The following RPTOR variants were observed in gnomAD, a reference collection of about 807,000 sequenced individuals.
RPTOR encodes the protein regulatory-associated protein of mTOR.
RPTOR carries 21 observed loss-of-function variants against 169.9 expected under a neutral mutation model. That is an observed-to-expected ratio of 0.12 (90% CI 0.09 to 0.18). The LOEUF is 0.18. RPTOR is among the 10% of genes least tolerant of loss of function. The probability of loss-of-function intolerance (pLI) is 1.00; values close to 1 mark genes in which losing one functional copy is unlikely to be tolerated. For missense variants in RPTOR, 1,133 were observed against 1,855.9 expected (o/e 0.61, Z 7.16); for synonymous variants, 732 against 753.2 (o/e 0.97, Z 0.46).
rs2144037511 is a variant in RPTOR, at chr17:80,940,629, G to A, written c.3025+28G>A. ...AAGGGCACCCGCACAGCCAGCCAGG[G>A]GCTCATTCCGGGGGTGGGGCCTGGG... On this transcript the variant is annotated intron_variant, in intron 25 of 33. Transcript: ENST00000306801. 5 of 1,566,594 alleles carry A rather than the reference G, an allele frequency of 3.2e-6. No homozygotes were observed. In the South Asian group the frequency reaches 5.8e-5, roughly 18 times the overall value.
intron 6 of RPTOR, among the ~76,000 whole-genome samples, chr17:80,758,283 C>T (rs973380680): frequency 2.6e-5 from 4 of 152,182 alleles, no homozygotes; most frequent in African/African-American, 4.8e-5. Flanking sequence ...CTAAGGGCCA[C>T]AGGGTTTGAG....
chr17:80,907,395 TC>T (rs1356771984), intron 20 of RPTOR, among the ~76,000 whole-genome samples: 7 of 152,242 alleles, frequency 4.6e-5, no homozygotes, highest in Admixed American at 4.6e-4. Context: ...AAACTGGCAC[TC>T]CTGGTGCCCG....
chr17:80,715,864 A>G (rs886939619), intron 4 of RPTOR, among the ~76,000 whole-genome samples: 3 of 152,192 alleles, frequency 2.0e-5, no homozygotes, highest in African/African-American at 7.2e-5. Flanking sequence ...AATAGTCTCC[A>G]GTCTCATCCA....
chr17:80,592,119 C>G (rs1249207088), intron 1 of RPTOR, among the ~76,000 whole-genome samples: 1 of 152,180 alleles, frequency 6.6e-6, no homozygotes, highest in East Asian at 1.9e-4. Flanking sequence ...TTTTATTTGT[C>G]TCTCTCATTT....
At chr17:80,851,003 G>A (rs2672896) in intron 11 of RPTOR, among the ~76,000 whole-genome samples, 101,081 of 152,098 alleles carry the variant, frequency 0.66, 36,028 homozygotes, top group Non-Finnish European at 0.8. Flanking sequence ...ATCATAGCTC[G>A]CTGCAACTTC....
chr17:80,921,283 G>T (rs1211884909), intron 21 of RPTOR, among the ~76,000 whole-genome samples: 2 of 152,248 alleles, frequency 1.3e-5, no homozygotes, highest in African/African-American at 4.8e-5. Context: ...AATGGCTTGT[G>T]CCTGCGGGAT....
intron 6 of RPTOR, among the ~76,000 whole-genome samples, chr17:80,785,307 A>G (rs921153357): frequency 1.3e-5 from 2 of 152,214 alleles, no homozygotes; most frequent in Non-Finnish European, 2.9e-5. Context: ...CTGGAGTCAA[A>G]GTCAGATAAA....
rs1567931966 is a variant in RPTOR at position 80,823,800 on chromosome 17, C to G, written c.1136+577C>G. Among the ~76,000 whole-genome samples, 1 of 152,116 alleles carries G rather than the reference C, an allele frequency of 6.6e-6. No homozygotes were observed. Among genetic ancestry groups the G allele is most frequent in the Non-Finnish European group, 1.5e-5 (1 of 68,010 alleles). On this transcript the variant is annotated intron_variant, in intron 9 of 33. Transcript: ENST00000306801. This position sits in a 1 kb window ranked among gnomAD's most constrained non-coding sequence, Gnocchi z 4.5. ...GACAATAATGTGATTTGTTTTTAGT[C>G]TAGACATTATATTTGAAGACGTTTG...
At chr17:80,686,580 T>A (rs567998020) in intron 3 of RPTOR, among the ~76,000 whole-genome samples, 1 of 152,240 alleles carries the variant, frequency 6.6e-6, no homozygotes, top group African/African-American at 2.4e-5. Context: ...TCATTGGTAT[T>A]CTCTCTTGAA....
chr17:80,755,978 AT>A (rs1473637204), intron 6 of RPTOR, among the ~76,000 whole-genome samples: 2 of 152,254 alleles, frequency 1.3e-5, no homozygotes, highest in Non-Finnish European at 2.9e-5. Flanking sequence ...AACCAGGGTT[AT>A]TGTAAAACAA....
At chr17:80,680,368 G>A (rs947958081) in intron 3 of RPTOR, among the ~76,000 whole-genome samples, 1 of 152,200 alleles carries the variant, frequency 6.6e-6, no homozygotes, top group African/African-American at 2.4e-5. Context: ...GGGCACGGTG[G>A]CTCAAGCCTG....
chr17:80,831,211 G>A (rs117879498), intron 9 of RPTOR, among the ~76,000 whole-genome samples: 4,509 of 152,236 alleles, frequency 0.03, 87 homozygotes, highest in South Asian at 0.058. Context: ...CGTCCTTCCC[G>A]GGTTTCAGAA....
At position 80,800,195 on chromosome 17, in the gene RPTOR, G is replaced by A. The variant is rs543207158; in HGVS notation, c.890+8686G>A. Among the ~76,000 whole-genome samples, 17 of 152,290 alleles carry A rather than the reference G, an allele frequency of 1.1e-4. No individual in the cohort carries two copies. In the East Asian group the frequency reaches 2.7e-3, roughly 24 times the overall value. ...CTCAATGGCAGTTTCATGGCATAGC[G>A]TCCCTGCTGCCCCCAGACGGTCAGA... On this transcript the variant is annotated intron_variant, in intron 7 of 33. Coordinates refer to ENST00000306801, the MANE Select transcript of RPTOR (RefSeq NM_020761.3).
intron 24 of RPTOR, among the ~76,000 whole-genome samples, chr17:80,927,270 C>T (rs1327319246): frequency 1.3e-5 from 2 of 152,142 alleles, no homozygotes; most frequent in East Asian, 1.9e-4. Flanking sequence ...GTCCTTGATG[C>T]GGTCTCGTGC....
intron 1 of RPTOR, among the ~76,000 whole-genome samples, chr17:80,547,604 C>A (rs1196651281): frequency 6.6e-6 from 1 of 152,128 alleles, no homozygotes; most frequent in Non-Finnish European, 1.5e-5. Flanking sequence ...AAATCAGCAG[C>A]TAACATCTTC....
intron 1 of RPTOR, among the ~76,000 whole-genome samples, chr17:80,607,723 G>A (rs1364765071): frequency 1.3e-5 from 2 of 152,014 alleles, no homozygotes; most frequent in Non-Finnish European, 2.9e-5. Context: ...TGCAGGATGA[G>A]GGCTGGACCT....
chr17:80,782,093 G>C (rs2066947699), intron 6 of RPTOR, among the ~76,000 whole-genome samples: 2 of 152,216 alleles, frequency 1.3e-5, no homozygotes, highest in African/African-American at 4.8e-5. Flanking sequence ...GGTATCGCTG[G>C]CCTGTGTTTC....
At chr17:80,872,347 C>T (rs553001793) in intron 13 of RPTOR, among the ~76,000 whole-genome samples, 2 of 152,258 alleles carry the variant, frequency 1.3e-5, no homozygotes, top group African/African-American at 2.4e-5. Flanking sequence ...GGTTTTACTC[C>T]GGGCAGATTC....
chr17:80,789,198 T>C (rs2067023154), intron 6 of RPTOR, among the ~76,000 whole-genome samples: 1 of 152,262 alleles, frequency 6.6e-6, no homozygotes, highest in African/African-American at 2.4e-5. Flanking sequence ...ACTATGAATC[T>C]GTTTTTATTG....
Sources: gnomAD v4.1 joint callset for allele counts (sites outside exome capture counted in the v4.1 genomes callset) on GRCh38, gnomAD v4.1.1 for gene constraint, Gnocchi (gnomAD v3.1) non-coding constraint, MANE v1.5 for transcripts, NCBI Gene and HGNC (gene_info 2026-07-23, HGNC 2026-07-21) for gene names.